The following SEMA6C variants were observed in gnomAD, a reference collection of about 807,000 sequenced individuals.
The protein encoded by SEMA6C is semaphorin-6C.
In SEMA6C, 37 loss-of-function variants were observed where a neutral mutation model predicts 72.9. That is an observed-to-expected ratio of 0.51 (90% confidence interval 0.39 to 0.67). The LOEUF is 0.67. Among genes scored for constraint, SEMA6C ranks in the 30% least tolerant of loss-of-function variants. The probability of loss-of-function intolerance (pLI) is 0.00; values close to 1 mark genes in which losing one functional copy is unlikely to be tolerated. For synonymous variants in SEMA6C, 578 were observed against 554.1 expected, an observed-to-expected ratio of 1.04 and a Z score of -0.61; for missense variants, 1,189 against 1,263.6, an observed-to-expected ratio of 0.94 and a Z score of 0.89.
intron 12 of SEMA6C, 42 bp downstream of exon 12, chr1:151,136,406 T>A (rs763740243): frequency 1.9e-6 from 3 of 1,600,586 alleles, no homozygotes; most frequent in Admixed American, 1.8e-5. Flanking sequence ...GGGCAGACGC[T>A]GCTTGCTTCT....
intron 2 of SEMA6C, 76 bp from the exon 3 acceptor site, chr1:151,142,751 C>G (rs976901678): frequency 2.9e-6 from 2 of 689,966 alleles, no homozygotes; most frequent in Non-Finnish European, 4.8e-6. Context: ...AGGCTCCTCT[C>G]CTGGTGTATC....
chr1:151,136,819 GGGACAGATT>G, intron 11 of SEMA6C, 29 bp downstream of exon 11: 1 of 1,564,864 alleles, frequency 6.4e-7, no homozygotes, highest in South Asian at 1.1e-5. Flanking sequence ...GGTGAGGCAG[GGGACAGATT>G]GGGTCACACT....
In SEMA6C at chr1:151,132,765, A is replaced by G; in HGVS notation, c.2512T>C (p.Ser838Pro). The G allele has an allele frequency of 7.0e-7, 1 of 1,435,286 alleles. No homozygotes were observed. Among genetic ancestry groups the G allele is most frequent in the Non-Finnish European group, 9.1e-7 (1 of 1,093,464 alleles). 88.9% of individuals were successfully genotyped at this position (1,435,286 alleles called of 1,614,324 possible). A position where few individuals can be genotyped will look rare whatever the true frequency, so the allele number is the denominator to read the frequency against. The change falls in exon 19 of 19, where the codon TCC becomes CCC. Residue 838 changes from serine to proline, a missense_variant. Physicochemically the swap from Ser to Pro is moderately conservative, Grantham distance 74. Coordinates refer to ENST00000368914, the MANE Select transcript of SEMA6C (RefSeq NM_030913.6). ...ACGCCCAGCCGGGGAGCGGGGGCGG[A>G]GAGCGCGGGCCGGGCGGGGGCAGAG... ...CASAPARPAL[S>P]APAPRLGVGG...
rs1372195605 is a variant in SEMA6C, at chr1:151,133,023, G to C, written c.2254C>G (p.Pro752Ala). ...GGPAPRVLVR[P>A]PPPGCPGQAV... ...TGCCCGGGACAGCCGGGCGGCGGTG[G>C]CCTCACCAGCACGCGGGGCGCGGGC... is the stretch of plus-strand genomic sequence containing the variant. Residue 752 changes from proline (P) to alanine (A), a missense_variant, in exon 19 of 19, where the codon CCA becomes GCA. Coordinates refer to ENST00000368914, the MANE Select transcript of SEMA6C (RefSeq NM_030913.6). The surrounding 1 kb of genome is among the most constrained non-coding windows in gnomAD (Gnocchi z 5.9). The C allele has an allele frequency of 2.8e-6, 4 of 1,404,410 alleles. No homozygotes were observed. The highest frequency in any genetic ancestry group is 1.5e-5 in the African/African-American group (1 of 64,534). 87.0% of individuals were successfully genotyped at this position (1,404,410 alleles called of 1,614,324 possible).
chr1:151,132,763 G>T lies in SEMA6C; in HGVS notation c.2514C>A (p.Ser838=). 7.0e-7 allele frequency: 1 copy of T among 1,435,746 alleles called. No homozygotes were observed. Among genetic ancestry groups the T allele is most frequent in the South Asian group, 1.5e-5 (1 of 66,572 alleles). 88.9% of individuals were successfully genotyped at this position (1,435,746 alleles called of 1,614,324 possible). A position where few individuals can be genotyped will look rare whatever the true frequency, so the allele number is the denominator to read the frequency against. The change falls in exon 19 of 19, where the codon TCC becomes TCA. Residue 838 remains serine (S), a synonymous_variant. Coordinates refer to ENST00000368914, the MANE Select transcript of SEMA6C (RefSeq NM_030913.6). ...CASAPARPAL[S]APAPRLGVGG... is the part of the protein sequence containing the mutation. ...CGACGCCCAGCCGGGGAGCGGGGGC[G>T]GAGAGCGCGGGCCGGGCGGGGGCAG...
At chr1:151,134,721 A>G (rs1681875024) in intron 16 of SEMA6C, 46 bp from the exon 17 acceptor site, 1 of 1,612,044 alleles carries the variant, frequency 6.2e-7, no homozygotes, top group Non-Finnish European at 8.5e-7. Context: ...CGTTGTCCGT[A>G]TCTCCCACTC....
chr1:151,139,763 A>G, intron 4 of SEMA6C, 62 bp from the exon 5 acceptor site: 3 of 1,490,524 alleles, frequency 2.0e-6, no homozygotes, highest in South Asian at 2.6e-5. Flanking sequence ...ACCCACAGTC[A>G]GCTGTTCAGG....
rs752168612 is a variant in SEMA6C at position 151,134,590 on chromosome 1, G to C, written c.1714+30C>G. 20 of 1,613,606 alleles carry C rather than the reference G, an allele frequency of 1.2e-5. No homozygotes were observed. The South Asian group carries it at 2.2e-4, about 18-fold the overall frequency. ...GCCATCATGGCCATGTGCAGCTTTG[G>C]CTGCAACAGCAGCTGCCTCTTCTGT... On this transcript the variant is annotated intron_variant, in intron 17 of 18. Coordinates refer to ENST00000368914, the MANE Select transcript of SEMA6C (RefSeq NM_030913.6).
rs772259452 is a variant in SEMA6C at position 151,136,054 on chromosome 1, C to T, written c.1216G>A (p.Val406Ile). Residue 406 changes from valine to isoleucine, a missense_variant, in exon 13 of 19, where the codon GTA (valine) becomes ATA (isoleucine). This residue lies in a region of SEMA6C where 468 missense variants were observed against 577.4 expected (regional missense o/e 0.81). Coordinates refer to ENST00000368914, the MANE Select transcript of SEMA6C (RefSeq NM_030913.6). Reference protein sequence around the residue: ...IKAHPLLDPAVPPVTHQPLLT... With the variant: ...IKAHPLLDPAIPPVTHQPLLT... ...AGAGGCTGATGGGTGACAGGTGGTACAGCGGGGTCCAGCAGCGGGTGAGCC... is the reference window on the plus strand; with the variant it reads ...AGAGGCTGATGGGTGACAGGTGGTATAGCGGGGTCCAGCAGCGGGTGAGCC... 3.1e-6 allele frequency: 5 copies of T among 1,613,996 alleles called. No homozygotes were observed. In the Admixed American group the frequency reaches 5.0e-5, roughly 16 times the overall value.
rs373131073 is a variant in SEMA6C at position 151,138,125 on chromosome 1, G to A, written c.548-20C>T. On this transcript the variant is annotated intron_variant, in intron 8 of 18. Coordinates refer to ENST00000368914, the MANE Select transcript of SEMA6C (RefSeq NM_030913.6). The stretch of plus-strand genomic sequence containing the variant: ...TGCCCTCTGGAGGGATGGGTGGAGT[G>A]GGGTCAGGGGAGGGCTCAGGGATCT... 2.5e-6 allele frequency: 4 copies of A among 1,612,702 alleles called. No individual in the cohort carries two copies. The highest frequency in any genetic ancestry group is 1.6e-4 in the Middle Eastern group (1 of 6,082).
Position 151,133,584 on chromosome 1 carries a change from G to A in SEMA6C, c.1760-67C>T. On this transcript the variant is annotated intron_variant, in intron 18 of 18. Transcript: ENST00000368914. This position sits in a 1 kb window ranked among gnomAD's most constrained non-coding sequence, Gnocchi z 5.9. ...GCGGTGCGGGGTACCTAGGCCCAGAGGCGCCGGCAGTTCCCAGGCCTGACA... is the reference window on the plus strand; with the variant it reads ...GCGGTGCGGGGTACCTAGGCCCAGAAGCGCCGGCAGTTCCCAGGCCTGACA... 1 of 1,439,208 alleles carries A rather than the reference G, an allele frequency of 6.9e-7. No homozygotes were observed. The highest frequency in any genetic ancestry group is 2.5e-5 in the East Asian group (1 of 39,728). The allele number at this position is 1,439,208 out of a possible 1,614,324, so 89.2% of individuals were successfully genotyped here. A position where few individuals can be genotyped will look rare whatever the true frequency, so the allele number is the denominator to read the frequency against.
Position 151,132,668 on chromosome 1 carries a change from C to G in SEMA6C, c.2609G>C (p.Gly870Ala), listed in dbSNP as rs1354434897. ...PPALLTRVPS[G>A]GPSRYSGGPG... ...ACCCCCGGAGTACCTGGAGGGACCT[C>G]CCGAGGGGACTCGAGTGAGCAGGGC... Residue 870 changes from glycine to alanine, a missense_variant, in exon 19 of 19, where the codon GGA (glycine) becomes GCA (alanine). Around this residue, in one of 2 missense-constraint regions of SEMA6C, gnomAD observed 721 missense variants for 686.2 expected, o/e 1.05. Coordinates refer to ENST00000368914, the MANE Select transcript of SEMA6C (RefSeq NM_030913.6). 2 of 1,548,044 alleles carry G rather than the reference C, an allele frequency of 1.3e-6. No homozygotes were observed. The highest frequency in any genetic ancestry group is 1.2e-5 in the South Asian group (1 of 83,952).
In SEMA6C at chr1:151,132,526, G is replaced by C. The variant is rs941023173; in HGVS notation, c.2751C>G (p.Ser917=). 2 of 1,550,308 alleles carry C rather than the reference G, an allele frequency of 1.3e-6. No individual in the cohort carries two copies. The highest frequency in any genetic ancestry group is 2.7e-5 in the African/African-American group (2 of 73,048). The change falls in exon 19 of 19, where the codon TCC becomes TCG. Residue 917 remains serine (S), a synonymous_variant. Transcript: ENST00000368914. ...LSLKPPLVGP[S]SRQAVPNGGR... is the part of the protein sequence containing the mutation. ...CGCCGTTCGGGACGGCCTGGCGGGA[G>C]GAGGGCCCGACGAGGGGAGGCTTCA...
intron 11 of SEMA6C, 42 bp downstream of exon 11, chr1:151,136,815 G>A: frequency 6.4e-7 from 1 of 1,554,066 alleles, no homozygotes; most frequent in Non-Finnish European, 8.9e-7. Context: ...GGCTGGTGAG[G>A]CAGGGGACAG....
chr1:151,136,763 C>T lies in SEMA6C; in HGVS notation c.974+94G>A, dbSNP rs1392810880. 5.7e-6 allele frequency: 8 copies of T among 1,394,388 alleles called. No homozygotes were observed. The Admixed American group carries it at 1.3e-4, about 22-fold the overall frequency. 86.4% of individuals were successfully genotyped at this position (1,394,388 alleles called of 1,614,324 possible). On this transcript the variant is annotated intron_variant, in intron 11 of 18. Coordinates refer to ENST00000368914, the MANE Select transcript of SEMA6C (RefSeq NM_030913.6). ...GCAAACTGGCTTTGTTCGGAGGTTC[C>T]CTTAACTGCCCCATCAGTAGGCTGT...
At position 151,137,819 on chromosome 1, in the gene SEMA6C, G is replaced by A; in HGVS notation, c.668-20C>T. On this transcript the variant is annotated intron_variant, in intron 9 of 18. Coordinates refer to ENST00000368914, the MANE Select transcript of SEMA6C (RefSeq NM_030913.6). ...GTGGCTCTAAGATGGGGAATGACAG[G>A]AAAGGGTATAGAAGAGTATCTGTAC... is the stretch of plus-strand genomic sequence containing the variant. 6.2e-7 allele frequency: 1 copy of A among 1,610,930 alleles called. No individual in the cohort carries two copies. Among genetic ancestry groups the A allele is most frequent in the Non-Finnish European group, 8.5e-7 (1 of 1,177,718 alleles).
intron 4 of SEMA6C, 134 bp from the exon 5 acceptor site, chr1:151,139,835 G>A: frequency 8.2e-7 from 1 of 1,224,136 alleles, no homozygotes; most frequent in Non-Finnish European, 1.2e-6. Context: ...TGGCATTTGT[G>A]CTCTGGGTCC....
At chr1:151,141,576 A>AT (rs1424778715) in intron 3 of SEMA6C, among the ~76,000 whole-genome samples, 1 of 151,692 alleles carries the variant, frequency 6.6e-6, no homozygotes, top group Non-Finnish European at 1.5e-5. Context: ...AGCCTGGCTA[A>AT]TTTTTTGTAT....
At position 151,133,360 on chromosome 1, in the gene SEMA6C, G is replaced by T. The variant is rs1225874973; in HGVS notation, c.1917C>A (p.Asp639Glu). ...CRRAHRRRGKDIETPGLPRPL... is the reference protein window; with the variant it reads ...CRRAHRRRGKEIETPGLPRPL... ...GGCGCGGGAGCCCCGGAGTCTCGAT[G>T]TCCTTGCCCCGACGTCGGTGGGCGC... is the stretch of plus-strand genomic sequence containing the variant. The change falls in exon 19 of 19, where the codon GAC (aspartate) becomes GAA (glutamate). Residue 639 changes from aspartate (D) to glutamate (E), a missense_variant. Asp to Glu is a conservative substitution (Grantham distance 45). Around this residue, in one of 2 missense-constraint regions of SEMA6C, gnomAD observed 721 missense variants for 686.2 expected, o/e 1.05. Coordinates refer to ENST00000368914, the MANE Select transcript of SEMA6C (RefSeq NM_030913.6). The surrounding 1 kb of genome is among the most constrained non-coding windows in gnomAD (Gnocchi z 5.9). The T allele has an allele frequency of 1.2e-6, 2 of 1,600,264 alleles. No individual in the cohort carries two copies. The highest frequency in any genetic ancestry group is 1.7e-6 in the Non-Finnish European group (2 of 1,175,774).
Sources: gnomAD v4.1 joint callset for allele counts (sites outside exome capture counted in the v4.1 genomes callset) on GRCh38, gnomAD v4.1.1 for gene constraint, gnomAD v4.1.1 regional missense constraint, Gnocchi (gnomAD v3.1) non-coding constraint, MANE v1.5 for transcripts, NCBI Gene and HGNC (gene_info 2026-07-23, HGNC 2026-07-21) for gene names.